Variants in GABRG3 observed in about 807,000 individuals in gnomAD.
GABRG3 encodes the protein gamma-aminobutyric acid type A receptor subunit gamma3.
GABRG3 carries 25 observed loss-of-function variants against 48.8 expected under a neutral mutation model. That is an observed-to-expected ratio of 0.51 (90% CI 0.37 to 0.72). The LOEUF (loss-of-function observed/expected upper bound fraction) is 0.72, where lower values mean the gene tolerates loss of function less well. GABRG3 is among the 30% of genes least tolerant of loss of function. The pLI is 0.00. For synonymous variants in GABRG3, 227 were observed against 217.6 expected, an observed-to-expected ratio of 1.04 and a Z score of -0.38; for missense variants, 394 against 577.9, an observed-to-expected ratio of 0.68 and a Z score of 3.26.
chr15:27,358,767 T>TA (rs1448677447), intron 5 of GABRG3, among the ~76,000 whole-genome samples: 1 of 152,214 alleles, frequency 6.6e-6, no homozygotes, highest in African/African-American at 2.4e-5. Context: ...TTCTATGGGC[T>TA]AAGTGGTGTG....
At chr15:27,265,710 T>G (rs1220706408) in intron 3 of GABRG3, among the ~76,000 whole-genome samples, 1 of 152,150 alleles carries the variant, frequency 6.6e-6, no homozygotes, top group Non-Finnish European at 1.5e-5. Context: ...GCAAATACTT[T>G]CTCTCAGTCT....
At position 27,476,423 on chromosome 15, in the gene GABRG3, A is replaced by G. The variant is rs116277384; in HGVS notation, c.575-4227A>G. On this transcript the variant is annotated intron_variant, in intron 5 of 9. Transcript: ENST00000615808. ...ATCATGCCTTAAAAAAATCAAAGGA[A>G]AGTATAACAACTAGATATCACCAAG... Among the ~76,000 whole-genome samples, 335 of 152,286 alleles carry G rather than the reference A, an allele frequency of 2.2e-3. 2 individuals carry two copies. Among genetic ancestry groups the G allele is most frequent in the African/African-American group, 7.2e-3 (301 of 41,562 alleles).
At chr15:27,137,778 C>T (rs528894004) in intron 3 of GABRG3, among the ~76,000 whole-genome samples, 1 of 152,316 alleles carries the variant, frequency 6.6e-6, no homozygotes, top group Admixed American at 6.5e-5. Flanking sequence ...GATAGATATT[C>T]TGTGGCAAAT....
chr15:27,208,596 C>A, intron 3 of GABRG3: 1 of 171,624 alleles, frequency 5.8e-6, no homozygotes, highest in South Asian at 1.4e-4. Flanking sequence ...GAGAGCAGGT[C>A]ACTGAGATCT....
At chr15:27,250,638 G>A (rs552834615) in intron 3 of GABRG3, among the ~76,000 whole-genome samples, 1 of 152,326 alleles carries the variant, frequency 6.6e-6, no homozygotes, top group South Asian at 2.1e-4. Context: ...TGTTGGCCAG[G>A]CTAGTCCCGA....
chr15:27,397,622 C>T (rs1052541875), intron 5 of GABRG3, among the ~76,000 whole-genome samples: 3 of 152,190 alleles, frequency 2.0e-5, no homozygotes, highest in African/African-American at 4.8e-5. Context: ...CGCCTCTGCT[C>T]GTCTATGGTT....
chr15:27,111,375 G>A (rs1453902345), intron 3 of GABRG3, among the ~76,000 whole-genome samples: 1 of 152,126 alleles, frequency 6.6e-6, no homozygotes, highest in Non-Finnish European at 1.5e-5. Context: ...TGTCATGTCT[G>A]ATTCTGTTCT....
chr15:26,980,572 A>G (rs1465538005), intron 2 of GABRG3, among the ~76,000 whole-genome samples: 1 of 151,058 alleles, frequency 6.6e-6, no homozygotes, highest in African/African-American at 2.4e-5. Context: ...CCAGCTACTG[A>G]GGAGGCTGAG....
At chr15:27,163,993 A>G in intron 3 of GABRG3, among the ~76,000 whole-genome samples, 2 of 152,318 alleles carry the variant, frequency 1.3e-5, no homozygotes, top group South Asian at 4.1e-4. Context: ...GGAAGAAGGA[A>G]ATGTCAGAGG....
chr15:27,001,174 A>AT (rs1895440151), intron 2 of GABRG3, among the ~76,000 whole-genome samples: 2 of 152,170 alleles, frequency 1.3e-5, no homozygotes, highest in Non-Finnish European at 2.9e-5. Context: ...CCTGATATAG[A>AT]TTGTCTTGAA....
intron 3 of GABRG3, among the ~76,000 whole-genome samples, chr15:27,174,095 T>TA (rs147295511): frequency 0.021 from 3,116 of 150,812 alleles, 110 homozygotes; most frequent in African/African-American, 0.072. Flanking sequence ...AATACGGACT[T>TA]AAAAAAAAAC....
chr15:27,086,412 T>C (rs1345451269), intron 3 of GABRG3, among the ~76,000 whole-genome samples: 3 of 152,188 alleles, frequency 2.0e-5, no homozygotes, highest in Non-Finnish European at 4.4e-5. Context: ...GAGCTTAGAC[T>C]GGGAAGTCCA....
At chr15:27,263,059 A>G (rs1890813870) in intron 3 of GABRG3, among the ~76,000 whole-genome samples, 1 of 152,226 alleles carries the variant, frequency 6.6e-6, no homozygotes, top group African/African-American at 2.4e-5. Context: ...AAAGGGAACC[A>G]TCAAAACCCA....
chr15:27,460,390 C>T (rs759583564), intron 5 of GABRG3, among the ~76,000 whole-genome samples: 3 of 152,170 alleles, frequency 2.0e-5, no homozygotes, highest in Non-Finnish European at 4.4e-5. Context: ...CAAACACAAA[C>T]ATCAAAGTTT....
chr15:27,260,209 C>T (rs1024703858), intron 3 of GABRG3, among the ~76,000 whole-genome samples: 1 of 152,118 alleles, frequency 6.6e-6, no homozygotes, highest in African/African-American at 2.4e-5. Context: ...GGCTGGTTTC[C>T]CCTGAGGCCT....
intron 5 of GABRG3, among the ~76,000 whole-genome samples, chr15:27,339,693 A>G (rs67338000): frequency 0.2 from 30,112 of 152,166 alleles, 5,386 homozygotes; most frequent in East Asian, 0.55. Flanking sequence ...CTGTACAGGT[A>G]CACAGGATTG....
At chr15:27,192,052 C>T (rs977473573) in intron 3 of GABRG3, among the ~76,000 whole-genome samples, 55 of 152,168 alleles carry the variant, frequency 3.6e-4, no homozygotes, top group Non-Finnish European at 7.1e-4. Context: ...TGAATATTGG[C>T]CCCCACTCTC....
At chr15:27,458,046 T>A (rs1007754041) in intron 5 of GABRG3, among the ~76,000 whole-genome samples, 1 of 152,046 alleles carries the variant, frequency 6.6e-6, no homozygotes, top group African/African-American at 2.4e-5. Flanking sequence ...GACTCTGGGT[T>A]CTCTCTTCTC....
chr15:27,071,239 T>G (rs118109036), intron 3 of GABRG3, among the ~76,000 whole-genome samples: 1 of 152,146 alleles, frequency 6.6e-6, no homozygotes, highest in African/African-American at 2.4e-5. Context: ...GCCAGTGGTG[T>G]TTGGTGGCAT....
Sources: allele counts gnomAD v4.1 joint callset (sites outside exome capture counted in the v4.1 genomes callset), GRCh38; gene constraint gnomAD v4.1.1; transcripts MANE v1.5; gene names NCBI Gene and HGNC (gene_info 2026-07-23, HGNC 2026-07-21).